R3HDM1: variants seen among roughly 807,000 people sequenced by gnomAD.
R3HDM1 encodes the protein R3H domain-containing protein 1.
In R3HDM1, 46 loss-of-function variants were observed where a neutral mutation model predicts 141.1. The ratio of observed to expected loss-of-function variants is 0.33; its 90% CI spans 0.26 to 0.42. The LOEUF (loss-of-function observed/expected upper bound fraction) is 0.42, where lower values mean the gene tolerates loss of function less well. Among genes scored for constraint, R3HDM1 ranks in the 10% least tolerant of loss-of-function variants. R3HDM1 has a pLI of 1.00. For synonymous variants in R3HDM1, 435 were observed against 472.9 expected, an observed-to-expected ratio of 0.92 and a Z score of 1.04; for missense variants, 1,184 against 1,368.3, an observed-to-expected ratio of 0.87 and a Z score of 2.12.
At chr2:135,617,242 G>A (rs1436777516) in intron 5 of R3HDM1, among the ~76,000 whole-genome samples, 4 of 152,014 alleles carry the variant, frequency 2.6e-5, no homozygotes, top group Non-Finnish European at 2.9e-5. Flanking sequence ...CAGGAAAATG[G>A]TGTGAACCCA....
chr2:135,685,539 T>C (rs2071184265), intron 21 of R3HDM1, among the ~76,000 whole-genome samples: 1 of 152,192 alleles, frequency 6.6e-6, no homozygotes, highest in South Asian at 2.1e-4. Context: ...CCTGTATTTG[T>C]TTGTGTATTT....
chr2:135,626,206 TGC>T (rs1553576501), intron 7 of R3HDM1, among the ~76,000 whole-genome samples: 25 of 114,274 alleles, frequency 2.2e-4, no homozygotes, highest in African/African-American at 1.4e-3. Flanking sequence ...CGTGCGTGCG[TGC>T]GTGCTTGCTT....
chr2:135,710,178 C>T lies in R3HDM1; in HGVS notation c.2683C>T (p.His895Tyr), dbSNP rs143703596. 1.9e-6 allele frequency: 3 copies of T among 1,614,028 alleles called. No individual in the cohort carries two copies. In the African/African-American group the frequency reaches 4.0e-5, roughly 22 times the overall value. The part of the protein sequence containing the change: ...QWKQNKYYCD[H>Y]QRGQKCVEFS... ...GAAACAAAACAAATATTACTGTGAT[C>T]ACCAGAGAGGACAGAAGTGTGTAGA... Residue 895 changes from histidine (H) to tyrosine (Y), a missense_variant, in exon 23 of 27, where the codon CAC becomes TAC. Around this residue, in one of 5 missense-constraint regions of R3HDM1, gnomAD observed 563 missense variants for 562.0 expected, o/e 1.00. Transcript: ENST00000683871.
intron 1 of R3HDM1, chr2:135,583,717 T>G: frequency 1.0e-6 from 1 of 981,720 alleles, no homozygotes; most frequent in Non-Finnish European, 1.2e-6. Flanking sequence ...AGGAAGTATG[T>G]GAGAGGATTA....
chr2:135,668,407 T>G (rs1248142852), intron 19 of R3HDM1, among the ~76,000 whole-genome samples: 1 of 152,236 alleles, frequency 6.6e-6, no homozygotes, highest in Non-Finnish European at 1.5e-5. Flanking sequence ...ATGTTATAAT[T>G]ATTAGAATGA....
chr2:135,718,702 G>A (rs535243010), intron 24 of R3HDM1, among the ~76,000 whole-genome samples: 33 of 152,068 alleles, frequency 2.2e-4, no homozygotes, highest in Admixed American at 1.4e-3. Flanking sequence ...GGCTAGTCTC[G>A]AACTCCTTGG....
At chr2:135,678,122 G>A (rs554436183) in intron 20 of R3HDM1, among the ~76,000 whole-genome samples, 3 of 152,030 alleles carry the variant, frequency 2.0e-5, no homozygotes, top group South Asian at 2.1e-4. Flanking sequence ...ATGCCACCAC[G>A]CCTGGCTAAT....
chr2:135,548,208 T>TA (rs536360026), intron 1 of R3HDM1, among the ~76,000 whole-genome samples: 17 of 152,364 alleles, frequency 1.1e-4, no homozygotes, highest in African/African-American at 3.8e-4. Context: ...GCCAATCTGA[T>TA]ATTTCATTTT....
intron 24 of R3HDM1, 99 bp from the exon 25 acceptor site, chr2:135,721,825 T>C: frequency 1.1e-6 from 1 of 947,526 alleles, no homozygotes; most frequent in Non-Finnish European, 1.6e-6. Context: ...TGGCCTTAAG[T>C]AATCCGCCTG....
chr2:135,597,563 G>A (rs1203497775), intron 1 of R3HDM1, among the ~76,000 whole-genome samples: 1 of 152,106 alleles, frequency 6.6e-6, no homozygotes. Flanking sequence ...CTTGATATGG[G>A]TTGCTTTTGT....
intron 1 of R3HDM1, chr2:135,536,448 A>T: frequency 2.8e-6 from 2 of 719,610 alleles, no homozygotes; most frequent in Non-Finnish European, 3.4e-6. Context: ...CACCCAGCCT[A>T]TTTCATAAAT....
At chr2:135,532,102 G>A (rs1694962579) in intron 1 of R3HDM1, among the ~76,000 whole-genome samples, 1 of 152,248 alleles carries the variant, frequency 6.6e-6, no homozygotes, top group Non-Finnish European at 1.5e-5. Flanking sequence ...TCTCTCGTGT[G>A]GCTGGCGCCG....
At chr2:135,710,287 T>G in intron 23 of R3HDM1, 56 bp downstream of exon 23, 1 of 1,539,302 alleles carries the variant, frequency 6.5e-7, no homozygotes, top group South Asian at 1.2e-5. Context: ...TTACCTAAGA[T>G]TGACTTATAA....
intron 20 of R3HDM1, among the ~76,000 whole-genome samples, chr2:135,679,508 T>C (rs1450635993): frequency 1.3e-5 from 2 of 152,214 alleles, no homozygotes; most frequent in African/African-American, 4.8e-5. Flanking sequence ...TCACTTTTTA[T>C]GACCCACTGC....
At chr2:135,642,768 A>T (rs2063937042) in intron 15 of R3HDM1, among the ~76,000 whole-genome samples, 1 of 152,290 alleles carries the variant, frequency 6.6e-6, no homozygotes, top group East Asian at 1.9e-4. Flanking sequence ...TAGAAAAATC[A>T]TGGCTTGGGA....
chr2:135,689,821 A>G (rs1286058689), intron 21 of R3HDM1, among the ~76,000 whole-genome samples: 1 of 152,100 alleles, frequency 6.6e-6, no homozygotes, highest in African/African-American at 2.4e-5. Flanking sequence ...GTGGAGAGAA[A>G]ATTAGTTTGA....
intron 3 of R3HDM1, chr2:135,606,069 T>C (rs1235996289): frequency 6.6e-6 from 1 of 152,182 alleles, no homozygotes; most frequent in Non-Finnish European, 1.5e-5. Flanking sequence ...TTCTACAGGG[T>C]ATCCAAAGAG....
intron 1 of R3HDM1, chr2:135,566,721 G>A (rs1017212978): frequency 5.7e-5 from 56 of 984,972 alleles, no homozygotes; most frequent in Non-Finnish European, 6.4e-5. Flanking sequence ...TTTGTTAGTC[G>A]TTTGGATGGT....
Position 135,671,975 on chromosome 2 carries a change from C to CA in R3HDM1, c.2153-3345dup, listed in dbSNP as rs879298097. Among the ~76,000 whole-genome samples, 74 of 113,982 alleles carry CA rather than the reference C, an allele frequency of 6.5e-4. No individual in the cohort carries two copies. The East Asian group carries it at 7.5e-3, about 12-fold the overall frequency. 74.8% of individuals were successfully genotyped at this position (113,982 alleles called of 152,430 possible). ...TGGCCGATAGAGTGAGACTCTGTCT[C>CA]AAAAAAAAAAAAGGCATACGCAAAC... On this transcript the variant is annotated intron_variant, in intron 19 of 26. Coordinates refer to ENST00000683871, the MANE Select transcript of R3HDM1 (RefSeq NM_001378107.1).
Sources: allele counts gnomAD v4.1 joint callset (sites outside exome capture counted in the v4.1 genomes callset), GRCh38; gene constraint gnomAD v4.1.1; regional missense constraint gnomAD v4.1.1; transcripts MANE v1.5; gene names NCBI Gene and HGNC (gene_info 2026-07-23, HGNC 2026-07-21).